SLC45A1: variants seen among roughly 807,000 people sequenced by gnomAD.
SLC45A1 encodes proton-associated sugar transporter A.
In SLC45A1, 28 loss-of-function variants were observed where a neutral mutation model predicts 57.6. The ratio of observed to expected loss-of-function variants is 0.49; its 90% confidence interval spans 0.36 to 0.67. SLC45A1 has a LOEUF of 0.67. SLC45A1 is among the 30% of genes least tolerant of loss of function. The pLI, the probability that SLC45A1 is intolerant of heterozygous loss-of-function variation, is 0.00. For synonymous variants in SLC45A1, 459 were observed against 471.5 expected (o/e 0.97, Z 0.34); for missense variants, 814 against 1,041.5 (o/e 0.78, Z 3.01).
intron 5 of SLC45A1, among the ~76,000 whole-genome samples, chr1:8,334,176 C>T (rs12711517): frequency 0.4 from 60,966 of 152,112 alleles, 12,648 homozygotes; most frequent in South Asian, 0.44. Flanking sequence ...TTCCTTTCTC[C>T]TTAGAGTGTA....
At position 8,330,970 on chromosome 1, in the gene SLC45A1, A is replaced by G. The variant is rs771683470; in HGVS notation, c.1443+34A>G. The G allele has an allele frequency of 1.3e-6, 2 of 1,543,754 alleles. No individual in the cohort carries two copies. Among genetic ancestry groups the G allele is most frequent in the South Asian group, 2.4e-5 (2 of 82,578 alleles). Reference sequence around the variant, plus strand: ...AAATGTCGGGGGAGCTGAGGCTCAGAGGGTGGCATTCGGGGGTCCCCTGGT... The same window carrying G: ...AAATGTCGGGGGAGCTGAGGCTCAGGGGGTGGCATTCGGGGGTCCCCTGGT... On this transcript the variant is annotated intron_variant, in intron 5 of 8. Transcript: ENST00000471889. This position sits in a 1 kb window ranked among gnomAD's most constrained non-coding sequence, Gnocchi z 8.4.
chr1:8,321,461 C>T (rs1640006473), intron 1 of SLC45A1, among the ~76,000 whole-genome samples: 1 of 152,100 alleles, frequency 6.6e-6, no homozygotes, highest in South Asian at 2.1e-4. Flanking sequence ...AGGGCTTCAT[C>T]TCTCACCCCA....
intron 5 of SLC45A1, among the ~76,000 whole-genome samples, chr1:8,333,856 G>A (rs1217441003): frequency 6.6e-6 from 1 of 152,266 alleles, no homozygotes; most frequent in African/African-American, 2.4e-5. Context: ...GCCCAGGCAT[G>A]CGCAGGCCTC....
chr1:8,330,153 G>A lies in SLC45A1; in HGVS notation c.716-56G>A, dbSNP rs2289730. On this transcript the variant is annotated intron_variant, in intron 4 of 8. Coordinates refer to ENST00000471889, the MANE Select transcript of SLC45A1 (RefSeq NM_001080397.3). The surrounding 1 kb of genome is among the most constrained non-coding windows in gnomAD (Gnocchi z 8.4). ...ATGTCCTTCTAAGAACGGGGCCACC[G>A]CGTTTGGGGCTTCTCCTCCCGCAGA... 0.021 allele frequency: 33,023 copies of A among 1,578,340 alleles called. 1,851 individuals are homozygous for A. In the East Asian group the frequency reaches 0.26, roughly 13 times the overall value.
At chr1:8,332,473 G>A (rs962167684) in intron 5 of SLC45A1, among the ~76,000 whole-genome samples, 2 of 151,886 alleles carry the variant, frequency 1.3e-5, no homozygotes, top group African/African-American at 2.4e-5. Context: ...CAGATGGGCT[G>A]CAAGGCCACC....
rs559121020 is a variant in SLC45A1 at position 8,334,576 on chromosome 1, G to A, written c.1444-861G>A. Among the ~76,000 whole-genome samples, 29 of 152,118 alleles carry A rather than the reference G, an allele frequency of 1.9e-4. No individual in the cohort carries two copies. The East Asian group carries it at 4.6e-3, about 24-fold the overall frequency. ...AAATTAGCCAGGTGTGGTGGTGCTC[G>A]CCTGTAGTCCCAGCTACTCGGGAGG... On this transcript the variant is annotated intron_variant, in intron 5 of 8. Transcript: ENST00000471889.
chr1:8,322,087 A>G (rs1640034572), intron 1 of SLC45A1, among the ~76,000 whole-genome samples: 1 of 78,492 alleles, frequency 1.3e-5, no homozygotes, highest in Non-Finnish European at 2.4e-5. Context: ...TGATAGGTAC[A>G]TGGATGGATG....
rs555078497 is a variant in SLC45A1, at chr1:8,343,491, TGTCTCC to T, written c.1981-255_1981-250del. On this transcript the variant is annotated intron_variant, in intron 8 of 8. Transcript: ENST00000471889. This position sits in a 1 kb window ranked among gnomAD's most constrained non-coding sequence, Gnocchi z 7.7. ...GAGCTCAAGTGCTGAGCGGGGAAAG[TGTCTCC>T]CGCCACCTCGGCCCGTGGGAGCTCA... Among the ~76,000 whole-genome samples, 101 of 152,256 alleles carry T rather than the reference TGTCTCC, an allele frequency of 6.6e-4. No individual in the cohort carries two copies. Among genetic ancestry groups the T allele is most frequent in the Admixed American group, 6.3e-3 (96 of 15,292 alleles).
chr1:8,319,949 C>T (rs1639948981), intron 1 of SLC45A1, among the ~76,000 whole-genome samples: 1 of 152,158 alleles, frequency 6.6e-6, no homozygotes, highest in South Asian at 2.1e-4. Flanking sequence ...AACTCCTGAG[C>T]TCAGGTGATC....
intron 6 of SLC45A1, chr1:8,336,018 C>T (rs1412711776): frequency 5.7e-6 from 1 of 174,706 alleles, no homozygotes; most frequent in Non-Finnish European, 1.2e-5. Flanking sequence ...TTTGTAAATT[C>T]ACACGGCTCG....
rs764567517 is a variant in SLC45A1, at chr1:8,343,981, G to A, written c.2215G>A (p.Glu739Lys). The change falls in exon 9 of 9, where the codon GAG (glutamate) becomes AAG (lysine). Residue 739 changes from glutamate (E) to lysine (K), a missense_variant. Transcript: ENST00000471889. The surrounding 1 kb of genome is among the most constrained non-coding windows in gnomAD (Gnocchi z 7.7). ...YEIPPSDAAD[E>K]EHRPLLLNV ...AATTCCTCCCAGCGACGCTGCAGACGAGGAGCACCGGCCCCTCCTGCTGAA... is the reference window on the plus strand; with the variant it reads ...AATTCCTCCCAGCGACGCTGCAGACAAGGAGCACCGGCCCCTCCTGCTGAA... 14 of 1,612,962 alleles carry A rather than the reference G, an allele frequency of 8.7e-6. No individual in the cohort carries two copies. Among genetic ancestry groups the A allele is most frequent in the South Asian group, 2.2e-5 (2 of 91,012 alleles).
chr1:8,322,808 CA>C (rs1295344274), intron 1 of SLC45A1, among the ~76,000 whole-genome samples: 2 of 152,136 alleles, frequency 1.3e-5, no homozygotes, highest in Non-Finnish European at 2.9e-5. Context: ...GGAAGGACTT[CA>C]AAGGGAATTT....
At chr1:8,338,042 C>T in intron 7 of SLC45A1, 50 bp downstream of exon 7, 4 of 1,555,082 alleles carry the variant, frequency 2.6e-6, no homozygotes, top group Non-Finnish European at 3.5e-6. Context: ...TTGGTTGGGT[C>T]CATGGAGCAT....
At chr1:8,333,210 G>T (rs1439045696) in intron 5 of SLC45A1, among the ~76,000 whole-genome samples, 1 of 151,840 alleles carries the variant, frequency 6.6e-6, no homozygotes, top group East Asian at 1.9e-4. Flanking sequence ...TAGAGATGGG[G>T]CTTGCACTGT....
Position 8,343,770 on chromosome 1 carries a change from C to T in SLC45A1, c.2004C>T (p.Gly668=). 1 of 1,613,578 alleles carries T rather than the reference C, an allele frequency of 6.2e-7. No individual in the cohort carries two copies. The highest frequency in any genetic ancestry group is 8.5e-7 in the Non-Finnish European group (1 of 1,179,662). Residue 668 remains glycine, a synonymous_variant, in exon 9 of 9, where the codon GGC becomes GGT. Transcript: ENST00000471889. The surrounding 1 kb of genome is among the most constrained non-coding windows in gnomAD (Gnocchi z 7.7). ...SKKFAGSSAD[G]TRRGMGVDIS... ...AGTTTGCAGGGTCCAGTGCGGACGG[C>T]ACCCGGCGGGGCATGGGCGTGGACA...
Position 8,334,658 on chromosome 1 carries a change from G to A in SLC45A1, c.1444-779G>A, listed in dbSNP as rs376888987. ...GTCGAGGCTGCAGTGAGCCATGACC[G>A]CACCACTGCACTCCAGCCCAGGCGA... On this transcript the variant is annotated intron_variant, in intron 5 of 8. Coordinates refer to ENST00000471889, the MANE Select transcript of SLC45A1 (RefSeq NM_001080397.3). Among the ~76,000 whole-genome samples the A allele has an allele frequency of 8.5e-5, 13 of 152,122 alleles. No individual in the cohort carries two copies. In the East Asian group the frequency reaches 1.5e-3, roughly 18 times the overall value.
In SLC45A1 at chr1:8,335,818, G is replaced by A. The variant is rs551009927; in HGVS notation, c.1597+228G>A. ...AAACTAAACCAGGTGTCACCATTGA[G>A]AGCCACATAGCTCACTCTGGGCCCG... On this transcript the variant is annotated intron_variant, in intron 6 of 8. Transcript: ENST00000471889. The surrounding 1 kb of genome is among the most constrained non-coding windows in gnomAD (Gnocchi z 4.1). Among the ~76,000 whole-genome samples, 20 of 152,250 alleles carry A rather than the reference G, an allele frequency of 1.3e-4. 1 individual carries two copies. The South Asian group carries it at 2.7e-3, about 20-fold the overall frequency.
Position 8,338,762 on chromosome 1 carries a change from T to C in SLC45A1, c.1775-731T>C, listed in dbSNP as rs115707326. On this transcript the variant is annotated intron_variant, in intron 7 of 8. Coordinates refer to ENST00000471889, the MANE Select transcript of SLC45A1 (RefSeq NM_001080397.3). ...CGTGTCACAAAATATTCATCTTTTT[T>C]TGGTTTTTTAAATTAATTTTTTTTT... Among the ~76,000 whole-genome samples the C allele has an allele frequency of 5.3e-3, 812 of 152,366 alleles. 9 individuals are homozygous for C. Among genetic ancestry groups the C allele is most frequent in the African/African-American group, 0.019 (783 of 41,582 alleles).
intron 2 of SLC45A1, among the ~76,000 whole-genome samples, chr1:8,324,968 G>C (rs1640152216): frequency 1.3e-5 from 2 of 152,202 alleles, no homozygotes; most frequent in South Asian, 4.1e-4. Context: ...TCTGATGCCA[G>C]GCTCTCCTTG....
Sources: gnomAD v4.1 joint callset for allele counts (sites outside exome capture counted in the v4.1 genomes callset) on GRCh38, gnomAD v4.1.1 for gene constraint, Gnocchi (gnomAD v3.1) non-coding constraint, MANE v1.5 for transcripts, NCBI Gene and HGNC (gene_info 2026-07-23, HGNC 2026-07-21) for gene names.